GSDMC: variants seen among roughly 807,000 people sequenced by gnomAD.
The protein encoded by GSDMC is gasdermin-C.
Under a neutral mutation model 58.0 loss-of-function variants are expected in GSDMC, and 59 were observed. The observed-to-expected ratio is 1.02, with a 90% confidence interval of 0.82 to 1.26. GSDMC has a LOEUF of 1.26. GSDMC is among the 50% of genes most tolerant of loss of function. GSDMC has a pLI of 0.00. For missense variants in GSDMC, 659 were observed against 598.5 expected, an observed-to-expected ratio of 1.10 and a Z score of -1.06; for synonymous variants, 241 against 220.2, an observed-to-expected ratio of 1.09 and a Z score of -0.83.
intron 6 of GSDMC, among the ~76,000 whole-genome samples, chr8:129,753,186 G>A (rs1044992489): frequency 7.9e-5 from 12 of 152,192 alleles, no homozygotes; most frequent in Non-Finnish European, 5.9e-5. Context: ...AGGTGCTTGC[G>A]CTACCCCACC....
intron 1 of GSDMC, among the ~76,000 whole-genome samples, chr8:129,782,383 G>T (rs1199246511): frequency 6.6e-6 from 1 of 151,814 alleles, no homozygotes; most frequent in Non-Finnish European, 1.5e-5. Flanking sequence ...AATAAATGAA[G>T]TTAAAATTAA....
downstream of GSDMC, among the ~76,000 whole-genome samples, chr8:129,743,677 C>T (rs2032908990): frequency 6.6e-6 from 1 of 152,072 alleles, no homozygotes; most frequent in African/African-American, 2.4e-5. Flanking sequence ...TGTTGTATTC[C>T]TTTAAGAAGT....
Position 129,776,091 on chromosome 8 carries a change from C to A in GSDMC, c.404+11G>T. 6.2e-7 allele frequency: 1 copy of A among 1,607,592 alleles called. No homozygotes were observed. The highest frequency in any genetic ancestry group is 8.5e-7 in the Non-Finnish European group (1 of 1,175,408). On this transcript the variant is annotated intron_variant, in intron 3 of 13. Coordinates refer to ENST00000276708, the MANE Select transcript of GSDMC (RefSeq NM_031415.3). ...CTGATGATCCATCCCCTTCCTCTCCCATGGCCTCACCTTTTTTGAAAGTCT... is the reference window on the plus strand; with the variant it reads ...CTGATGATCCATCCCCTTCCTCTCCAATGGCCTCACCTTTTTTGAAAGTCT...
intron 6 of GSDMC, among the ~76,000 whole-genome samples, chr8:129,759,827 G>C (rs567246381): frequency 5.3e-5 from 8 of 152,082 alleles, no homozygotes; most frequent in Admixed American, 1.3e-4. Context: ...ACGAAAACTA[G>C]AGTTACCATA....
At chr8:129,712,500 G>A in the GSDMC span, among the ~76,000 whole-genome samples, 1 of 152,072 alleles carries the variant, frequency 6.6e-6, no homozygotes, top group Non-Finnish European at 1.5e-5. Context: ...AAGAAAACAG[G>A]GGCAAGTTGT....
the GSDMC span, among the ~76,000 whole-genome samples, chr8:129,711,577 T>C: frequency 6.6e-6 from 1 of 152,166 alleles, no homozygotes; most frequent in Non-Finnish European, 1.5e-5. Flanking sequence ...TTGCAAAGAA[T>C]TGCCATCTAA....
intron 1 of GSDMC, among the ~76,000 whole-genome samples, chr8:129,784,075 A>C (rs890354386): frequency 2.0e-5 from 3 of 152,314 alleles, no homozygotes; most frequent in African/African-American, 7.2e-5. Flanking sequence ...CTCTCTCATC[A>C]TGTACAAAAA....
At chr8:129,716,356 G>T in the GSDMC span, among the ~76,000 whole-genome samples, 1 of 152,096 alleles carries the variant, frequency 6.6e-6, no homozygotes, top group Non-Finnish European at 1.5e-5. Flanking sequence ...AGATGCATTT[G>T]GTATTTTATT....
the GSDMC span, among the ~76,000 whole-genome samples, chr8:129,740,943 C>T: frequency 6.6e-6 from 1 of 152,098 alleles, no homozygotes; most frequent in Non-Finnish European, 1.5e-5. Flanking sequence ...GAGCTTTTCC[C>T]TATGTTTTCT....
Position 129,752,699 on chromosome 8 carries a change from T to C in GSDMC, c.843A>G (p.Pro281=), listed in dbSNP as rs199990284. The C allele has an allele frequency of 3.0e-4, 492 of 1,614,022 alleles. No homozygotes were observed. Among genetic ancestry groups the C allele is most frequent in the Non-Finnish European group, 4.0e-4 (475 of 1,180,010 alleles). Residue 281 remains proline, a splice_region_variant and synonymous_variant, in exon 7 of 14, where the codon CCA becomes CCG. Transcript: ENST00000276708. ...NASSNDMKLK[P]ELFLTQQFLS... ...AAATAAAGTGAGCAATCACAGTACC[T>C]GGTTTTAACTTCATATCATTGGATG...
In GSDMC at chr8:129,765,673, A is replaced by T; in HGVS notation, c.525T>A (p.Ser175Arg). ...GAGCAATTTTCCCTAAAATATTCAC[A>T]CTACTGCTATCGTACAGCACAGTAT... Reference protein sequence around the residue: ...INNTVLYDSSSVNILGKIALW... With the variant: ...INNTVLYDSSRVNILGKIALW... The change falls in exon 4 of 14, where the codon AGT becomes AGA. Residue 175 changes from serine (S) to arginine (R), a missense_variant. Ser to Arg is a moderately radical substitution (Grantham distance 110). Coordinates refer to ENST00000276708, the MANE Select transcript of GSDMC (RefSeq NM_031415.3). 1 of 1,613,368 alleles carries T rather than the reference A, an allele frequency of 6.2e-7. No homozygotes were observed.
chr8:129,733,330 T>C, the GSDMC span, among the ~76,000 whole-genome samples: 49,421 of 152,176 alleles, frequency 0.32, 11,632 homozygotes, highest in African/African-American at 0.65. Flanking sequence ...GCATGGTGCA[T>C]GAGCTCTGAG....
the GSDMC span, among the ~76,000 whole-genome samples, chr8:129,720,729 T>A: frequency 6.6e-6 from 1 of 152,240 alleles, no homozygotes. Flanking sequence ...CATCATCTCA[T>A]TTGATGTTTC....
At chr8:129,733,533 T>C in the GSDMC span, among the ~76,000 whole-genome samples, 4 of 152,222 alleles carry the variant, frequency 2.6e-5, no homozygotes, top group African/African-American at 7.2e-5. Flanking sequence ...AAATAGGGTC[T>C]GGAGTGGACC....
chr8:129,718,804 T>A, the GSDMC span, among the ~76,000 whole-genome samples: 1 of 152,178 alleles, frequency 6.6e-6, no homozygotes, highest in African/African-American at 2.4e-5. Context: ...AACGATAGAC[T>A]GGATAAAGAA....
intron 3 of GSDMC, among the ~76,000 whole-genome samples, chr8:129,769,596 CT>C (rs2033984918): frequency 1.3e-5 from 2 of 152,118 alleles, no homozygotes; most frequent in Admixed American, 1.3e-4. Flanking sequence ...GAACTTCACC[CT>C]TTTGTCAAGA....
downstream of GSDMC, among the ~76,000 whole-genome samples, chr8:129,746,450 T>G (rs895743819): frequency 6.6e-6 from 1 of 151,992 alleles, no homozygotes; most frequent in African/African-American, 2.4e-5. Flanking sequence ...GACAAGATAA[T>G]GTATGGAGAA....
the GSDMC span, among the ~76,000 whole-genome samples, chr8:129,735,561 G>A: frequency 1.3e-5 from 2 of 152,080 alleles, no homozygotes; most frequent in Non-Finnish European, 2.9e-5. Context: ...TGACTACTGG[G>A]TAAACAACAA....
intron 3 of GSDMC, among the ~76,000 whole-genome samples, chr8:129,771,396 C>G (rs1183325519): frequency 6.6e-6 from 1 of 152,182 alleles, no homozygotes; most frequent in African/African-American, 2.4e-5. Flanking sequence ...ATGGAACATT[C>G]TCCAAAATAG....
Sources: gnomAD v4.1 joint callset for allele counts (sites outside exome capture counted in the v4.1 genomes callset) on GRCh38, gnomAD v4.1.1 for gene constraint, MANE v1.5 for transcripts, NCBI Gene and HGNC (gene_info 2026-07-23, HGNC 2026-07-21) for gene names.